The following EPSTI1 variants were observed in gnomAD, a reference collection of about 807,000 sequenced individuals.
EPSTI1 encodes the protein epithelial stromal interaction 1, also known as epithelial-stromal interaction protein 1.
A neutral mutation model predicts 49.9 loss-of-function variants in EPSTI1; 66 were observed. The ratio of observed to expected loss-of-function variants is 1.32; its 90% CI spans 1.08 to 1.62. The LOEUF (loss-of-function observed/expected upper bound fraction) is 1.62. Ranked by LOEUF, EPSTI1 falls within the 40% of genes most tolerant of loss-of-function variation. The pLI is 0.00. For synonymous variants in EPSTI1, 137 were observed against 130.7 expected, an observed-to-expected ratio of 1.05 and a Z score of -0.33; for missense variants, 394 against 365.5, an observed-to-expected ratio of 1.08 and a Z score of -0.64.
intron 6 of EPSTI1, among the ~76,000 whole-genome samples, chr13:42,938,914 C>CAAAAAAAAAAACAAAAAA (rs2038655956): frequency 1.7e-5 from 1 of 59,676 alleles, no homozygotes; most frequent in African/African-American, 7.1e-5. Context: ...GACTCTGTCT[C>CAAAAAAAAAAACAAAAAA]AAAAAAAAAA....
intron 1 of EPSTI1, among the ~76,000 whole-genome samples, chr13:42,972,338 T>C (rs779672055): frequency 2.2e-4 from 34 of 152,304 alleles, no homozygotes; most frequent in Non-Finnish European, 4.0e-4. Flanking sequence ...GTCAAATAAC[T>C]TACATTTTTA....
In EPSTI1 at chr13:42,992,060, G is replaced by A; in HGVS notation, c.106C>T (p.Pro36Ser). 6.2e-7 allele frequency: 1 copy of A among 1,613,386 alleles called. No homozygotes were observed. Among genetic ancestry groups the A allele is most frequent in the Non-Finnish European group, 8.5e-7 (1 of 1,180,014 alleles). Reference protein sequence around the residue: ...DPSGRQGELSPVEDQREGLEA... With the variant: ...DPSGRQGELSSVEDQREGLEA... ...AAACCCTCTCTCTGGTCTTCCACGG[G>A]GCTCAGCTCCCCTTGCCGCCCAGAA... Residue 36 changes from proline (P) to serine (S), a missense_variant, in exon 1 of 11, where the codon CCC (proline) becomes TCC (serine). Coordinates refer to ENST00000313624, the MANE Select transcript of EPSTI1 (RefSeq NM_033255.5).
intron 7 of EPSTI1, among the ~76,000 whole-genome samples, chr13:42,925,970 C>T (rs2038158188): frequency 1.0e-5 from 1 of 99,898 alleles, no homozygotes; most frequent in South Asian, 3.0e-4. Flanking sequence ...ACTTAGTAGG[C>T]CTTATATAGA....
Position 42,992,230 on chromosome 13 carries a change from G to C in EPSTI1, c.-65C>G, listed in dbSNP as rs949934504. The C allele has an allele frequency of 2.1e-6, 3 of 1,458,416 alleles. No homozygotes were observed. Among genetic ancestry groups the C allele is most frequent in the South Asian group, 1.4e-5 (1 of 70,546 alleles). The allele number at this position is 1,458,416 out of a possible 1,614,324, so 90.3% of individuals were successfully genotyped here. ...GAGGGATGCGGCTGGGACGCTTAGC[G>C]AGTCTCAAGATGGGATTCCAAAGTG... On this transcript the variant is annotated 5_prime_UTR_variant, in exon 1 of 11. Coordinates refer to ENST00000313624, the MANE Select transcript of EPSTI1 (RefSeq NM_033255.5).
At position 42,969,095 on chromosome 13, in the gene EPSTI1, T is replaced by C. The variant is rs1446467986; in HGVS notation, c.330A>G (p.Leu110=). Residue 110 remains leucine (L), a splice_region_variant and synonymous_variant, in exon 3 of 11, where the codon CTA becomes CTG. Transcript: ENST00000313624. ...CCGGCAGCGGCTGTGCTTGCTTACCTAGCCGTCTGGGCACCAGGTGAACCG... is the reference window on the plus strand; with the variant it reads ...CCGGCAGCGGCTGTGCTTGCTTACCCAGCCGTCTGGGCACCAGGTGAACCG... ...AKPVHLVPRR[L]GGSQSETEVR... 5.6e-6 allele frequency: 9 copies of C among 1,614,036 alleles called. No individual in the cohort carries two copies. The highest frequency in any genetic ancestry group is 6.8e-6 in the Non-Finnish European group (8 of 1,180,038).
intron 10 of EPSTI1, among the ~76,000 whole-genome samples, chr13:42,888,899 G>C (rs771948253): frequency 3.3e-5 from 5 of 152,200 alleles, no homozygotes; most frequent in Non-Finnish European, 7.3e-5. Flanking sequence ...TTATACAGCA[G>C]AAAGGTGACT....
intron 10 of EPSTI1, among the ~76,000 whole-genome samples, chr13:42,893,997 T>A (rs1298571307): frequency 6.6e-6 from 1 of 152,232 alleles, no homozygotes; most frequent in Non-Finnish European, 1.5e-5. Context: ...GTGTAACAAA[T>A]GAGCATATAT....
intron 8 of EPSTI1, among the ~76,000 whole-genome samples, chr13:42,901,831 A>G (rs921406925): frequency 3.9e-5 from 6 of 152,054 alleles, no homozygotes; most frequent in Non-Finnish European, 8.8e-5. Context: ...TTAGTTACAT[A>G]TGTATACATG....
chr13:42,977,946 C>T (rs549159661), intron 1 of EPSTI1, among the ~76,000 whole-genome samples: 11 of 152,090 alleles, frequency 7.2e-5, no homozygotes, highest in East Asian at 1.9e-4. Context: ...GTCAGGAGAT[C>T]GAGACCATCC....
intron 3 of EPSTI1, among the ~76,000 whole-genome samples, chr13:42,966,738 A>G (rs1295988167): frequency 3.4e-5 from 3 of 88,616 alleles, no homozygotes; most frequent in South Asian, 5.3e-4. Context: ...CCGGGAGGTG[A>G]GGGGCGCCTC....
At chr13:42,955,880 G>GC (rs1555266332) in intron 5 of EPSTI1, among the ~76,000 whole-genome samples, 1 of 135,908 alleles carries the variant, frequency 7.4e-6, no homozygotes. Flanking sequence ...AAGTATTTGG[G>GC]GGGGGGGGGA....
At chr13:42,946,577 C>T (rs537614329) in intron 6 of EPSTI1, among the ~76,000 whole-genome samples, 5 of 152,180 alleles carry the variant, frequency 3.3e-5, no homozygotes, top group Non-Finnish European at 7.3e-5. Context: ...CCAGAGAAAG[C>T]AGACACATTT....
intron 6 of EPSTI1, among the ~76,000 whole-genome samples, chr13:42,932,056 C>T (rs990662532): frequency 6.6e-6 from 1 of 152,126 alleles, no homozygotes; most frequent in Non-Finnish European, 1.5e-5. Flanking sequence ...CCTCCTACAT[C>T]AACCTCCCAA....
intron 6 of EPSTI1, among the ~76,000 whole-genome samples, chr13:42,938,376 T>G (rs777248590): frequency 6.6e-6 from 1 of 152,064 alleles, no homozygotes; most frequent in Non-Finnish European, 1.5e-5. Flanking sequence ...TAAACAGAGG[T>G]GCTGTCATCT....
At chr13:42,962,964 T>C (rs2039500106) in intron 5 of EPSTI1, among the ~76,000 whole-genome samples, 1 of 152,238 alleles carries the variant, frequency 6.6e-6, no homozygotes, top group South Asian at 2.1e-4. Context: ...TCTGCAAGCC[T>C]CTTCACCCTG....
chr13:42,952,789 A>G (rs2039139766), intron 6 of EPSTI1, among the ~76,000 whole-genome samples: 1 of 152,232 alleles, frequency 6.6e-6, no homozygotes, highest in Admixed American at 6.5e-5. Flanking sequence ...TAACTTGCTA[A>G]GGAGCAAAGC....
intron 10 of EPSTI1, among the ~76,000 whole-genome samples, chr13:42,889,702 T>C (rs187342265): frequency 3.0e-4 from 45 of 152,360 alleles, no homozygotes; most frequent in Non-Finnish European, 4.9e-4. Flanking sequence ...GCAGAACATG[T>C]CCTAAATAAA....
chr13:42,967,584 T>C (rs1193711106), intron 3 of EPSTI1, among the ~76,000 whole-genome samples: 2 of 152,192 alleles, frequency 1.3e-5, no homozygotes, highest in African/African-American at 2.4e-5. Flanking sequence ...ATGAGGGCCA[T>C]GTCAAGAACA....
At chr13:42,894,784 T>C (rs1377771017) in intron 10 of EPSTI1, among the ~76,000 whole-genome samples, 2 of 152,102 alleles carry the variant, frequency 1.3e-5, no homozygotes, top group African/African-American at 4.8e-5. Flanking sequence ...GCAGGTGTCA[T>C]TTTTTACTGT....
Sources: allele counts gnomAD v4.1 joint callset (sites outside exome capture counted in the v4.1 genomes callset), GRCh38; gene constraint gnomAD v4.1.1; transcripts MANE v1.5; gene names NCBI Gene and HGNC (gene_info 2026-07-23, HGNC 2026-07-21).